SGCD: variants seen among roughly 807,000 people sequenced by gnomAD.
SGCD encodes the protein sarcoglycan delta, also known as delta-sarcoglycan.
In SGCD, 18 loss-of-function variants were observed where a neutral mutation model predicts 36.6. The observed-to-expected ratio is 0.49, with a 90% CI of 0.34 to 0.73. The LOEUF is 0.73. SGCD is among the 30% of genes least tolerant of loss of function. The probability of loss-of-function intolerance (pLI) is 0.01; values close to 1 mark genes in which losing one functional copy is unlikely to be tolerated. For missense variants in SGCD, 387 were observed against 346.7 expected (o/e 1.12, Z -0.92); for synonymous variants, 133 against 130.6 (o/e 1.02, Z -0.12).
At chr5:156,067,653 T>C (rs1356356754) in intron 1 of SGCD, among the ~76,000 whole-genome samples, 4 of 114,080 alleles carry the variant, frequency 3.5e-5, no homozygotes, top group Non-Finnish European at 6.5e-5. Context: ...GTGCGCCGTT[T>C]CTTAAGCCGG....
chr5:155,883,673 G>C (rs990299083), intron 1 of SGCD, among the ~76,000 whole-genome samples: 1 of 151,140 alleles, frequency 6.6e-6, no homozygotes, highest in African/African-American at 2.4e-5. Flanking sequence ...TAATGAAAAA[G>C]CTTGAAGTAT....
chr5:156,329,495 C>A, intron 1 of SGCD, 39 bp from the exon 2 acceptor site: 1 of 1,435,940 alleles, frequency 7.0e-7, no homozygotes, highest in Non-Finnish European at 9.8e-7. Flanking sequence ...GGGGCAGGCT[C>A]TTCAGACCTT....
intron 1 of SGCD, among the ~76,000 whole-genome samples, chr5:155,929,526 ATAG>A (rs1273383155): frequency 6.6e-6 from 1 of 152,074 alleles, no homozygotes; most frequent in Non-Finnish European, 1.5e-5. Context: ...CACTCTTAAG[ATAG>A]CTCAGCTCAT....
intron 4 of SGCD, among the ~76,000 whole-genome samples, chr5:156,551,679 G>T (rs866820670): frequency 4.6e-5 from 7 of 152,204 alleles, no homozygotes; most frequent in Middle Eastern, 3.4e-3. Flanking sequence ...CATGATCTTG[G>T]TTTTTTTCAC....
At chr5:155,841,953 A>G in the SGCD span, among the ~76,000 whole-genome samples, 1 of 152,284 alleles carries the variant, frequency 6.6e-6, no homozygotes, top group East Asian at 1.9e-4. Context: ...ATCAATAGAA[A>G]TCCTTTTGGG....
intron 3 of SGCD, among the ~76,000 whole-genome samples, chr5:156,287,692 T>C (rs892269976): frequency 6.6e-6 from 1 of 151,778 alleles, no homozygotes; most frequent in Non-Finnish European, 1.5e-5. Flanking sequence ...CACACTTGCA[T>C]GTATATATAT....
At chr5:156,609,903 T>C (rs1441870278) in intron 6 of SGCD, among the ~76,000 whole-genome samples, 3 of 152,224 alleles carry the variant, frequency 2.0e-5, no homozygotes, top group Non-Finnish European at 2.9e-5. Context: ...CATCAGGTCC[T>C]TTAAGGACTT....
In SGCD at chr5:156,575,988, A is replaced by G. The variant is rs536693624; in HGVS notation, c.295-13243A>G. 1.3e-4 allele frequency among the ~76,000 whole-genome samples: 20 copies of G among 152,280 alleles called. No individual in the cohort carries two copies. In the East Asian group the frequency reaches 3.7e-3, roughly 28 times the overall value. ...CGTGCACAACATGCAGGTTTGTTAC[A>G]TAGGTATACCTGTGCCATGTTGGTG... On this transcript the variant is annotated intron_variant, in intron 4 of 8. Transcript: ENST00000337851.
intron 3 of SGCD, among the ~76,000 whole-genome samples, chr5:156,132,710 C>T (rs987602359): frequency 6.6e-6 from 1 of 151,872 alleles, no homozygotes; most frequent in East Asian, 1.9e-4. Context: ...CCTCGTGATC[C>T]GCCCGCCTCG....
At chr5:156,627,265 A>G (rs942408711) in intron 6 of SGCD, among the ~76,000 whole-genome samples, 1 of 152,184 alleles carries the variant, frequency 6.6e-6, no homozygotes, top group Admixed American at 6.5e-5. Context: ...AGGTTCAGAA[A>G]AATGAGCCTG....
At chr5:156,166,300 C>T (rs922633609) in intron 3 of SGCD, among the ~76,000 whole-genome samples, 4 of 151,882 alleles carry the variant, frequency 2.6e-5, no homozygotes, top group African/African-American at 7.2e-5. Flanking sequence ...GACGTATTGA[C>T]GAAGCTGAGT....
chr5:156,599,792 T>G lies in SGCD; in HGVS notation c.502+4741T>G, dbSNP rs1219150816. ...AGCAACCAAGAGCCATGCAGTTGAG[T>G]AATTAAAAACACAGGTTTTGTAGCT... is the stretch of plus-strand genomic sequence containing the variant. On this transcript the variant is annotated intron_variant, in intron 6 of 8. Coordinates refer to ENST00000337851, the MANE Select transcript of SGCD (RefSeq NM_000337.6). Among the ~76,000 whole-genome samples, 7 of 152,328 alleles carry G rather than the reference T, an allele frequency of 4.6e-5. 1 individual carries two copies. The highest frequency in any genetic ancestry group is 9.6e-5 in the African/African-American group (4 of 41,574).
At chr5:156,178,509 AATTTT>A (rs1246188629) in intron 3 of SGCD, among the ~76,000 whole-genome samples, 1 of 152,154 alleles carries the variant, frequency 6.6e-6, no homozygotes, top group Non-Finnish European at 1.5e-5. Context: ...ATCTCAGGTT[AATTTT>A]ATTTTATTTG....
At chr5:156,112,581 T>G (rs961108586) in intron 1 of SGCD, among the ~76,000 whole-genome samples, 2 of 152,212 alleles carry the variant, frequency 1.3e-5, no homozygotes, top group African/African-American at 4.8e-5. Flanking sequence ...TTTGGTTTTT[T>G]TTGAGAATTG....
chr5:156,571,730 A>G (rs1759731665), intron 4 of SGCD, among the ~76,000 whole-genome samples: 1 of 152,228 alleles, frequency 6.6e-6, no homozygotes, highest in South Asian at 2.1e-4. Flanking sequence ...AAAGATGATA[A>G]TCCCCCAAAA....
chr5:155,949,509 A>G (rs1403901982), intron 1 of SGCD, among the ~76,000 whole-genome samples: 1 of 152,194 alleles, frequency 6.6e-6, no homozygotes, highest in Non-Finnish European at 1.5e-5. Flanking sequence ...GTTCGATGTT[A>G]TGTAGCTAGT....
At chr5:155,874,312 A>C in intron 1 of SGCD, among the ~76,000 whole-genome samples, 1 of 152,136 alleles carries the variant, frequency 6.6e-6, no homozygotes, top group Non-Finnish European at 1.5e-5. Flanking sequence ...CAACAACAGA[A>C]ACAAATGGAT....
At chr5:155,794,915 A>C in the SGCD span, among the ~76,000 whole-genome samples, 1 of 152,184 alleles carries the variant, frequency 6.6e-6, no homozygotes, top group Admixed American at 6.5e-5. Context: ...AAAATCTTAA[A>C]AGCAGCCAGG....
intron 4 of SGCD, among the ~76,000 whole-genome samples, chr5:156,512,293 A>C (rs1370545119): frequency 6.6e-6 from 1 of 151,866 alleles, no homozygotes; most frequent in African/African-American, 2.4e-5. Flanking sequence ...ACTATTCTGT[A>C]CTGATGCAAT....
Sources: gnomAD v4.1 joint callset for allele counts (sites outside exome capture counted in the v4.1 genomes callset) on GRCh38, gnomAD v4.1.1 for gene constraint, MANE v1.5 for transcripts, NCBI Gene and HGNC (gene_info 2026-07-23, HGNC 2026-07-21) for gene names.